Variants in ATP8A2 observed in about 807,000 individuals in gnomAD.
ATP8A2 encodes the protein ATPase phospholipid transporting 8A2, also known as phospholipid-transporting ATPase IB.
A neutral mutation model predicts 165.6 loss-of-function variants in ATP8A2; 100 were observed. The observed-to-expected ratio is 0.60, with a 90% confidence interval of 0.51 to 0.71. ATP8A2 has a LOEUF of 0.71. ATP8A2 is among the 30% of genes least tolerant of loss of function. The pLI is 0.00. For missense variants in ATP8A2, 1,227 were observed against 1,479.5 expected (o/e 0.83, Z 2.80); for synonymous variants, 543 against 548.8 (o/e 0.99, Z 0.15).
intron 33 of ATP8A2, among the ~76,000 whole-genome samples, chr13:25,917,267 T>C (rs1212275027): frequency 6.6e-6 from 1 of 152,204 alleles, no homozygotes; most frequent in African/African-American, 2.4e-5. Context: ...CATAATGAGA[T>C]TAGCCTGGTT....
chr13:25,783,081 T>C (rs1273098282), intron 27 of ATP8A2, among the ~76,000 whole-genome samples: 1 of 152,092 alleles, frequency 6.6e-6, no homozygotes, highest in East Asian at 1.9e-4. Flanking sequence ...TATTGATATT[T>C]TTACTGTTTT....
intron 15 of ATP8A2, among the ~76,000 whole-genome samples, chr13:25,562,024 A>G (rs886375515): frequency 6.6e-6 from 1 of 152,130 alleles, no homozygotes; most frequent in African/African-American, 2.4e-5. Context: ...CCATCTGTTC[A>G]TGGGCATTTG....
intron 25 of ATP8A2, among the ~76,000 whole-genome samples, chr13:25,742,540 T>C (rs973061125): frequency 6.6e-6 from 1 of 152,112 alleles, no homozygotes; most frequent in African/African-American, 2.4e-5. Context: ...ATTATTAAAG[T>C]GTCTCAGTTA....
At chr13:25,836,362 T>G (rs1951606733) in intron 28 of ATP8A2, among the ~76,000 whole-genome samples, 1 of 152,180 alleles carries the variant, frequency 6.6e-6, no homozygotes, top group Admixed American at 6.5e-5. Flanking sequence ...CAAACAGGCA[T>G]GCTGATGTCT....
intron 25 of ATP8A2, among the ~76,000 whole-genome samples, chr13:25,755,579 T>C (rs1226735924): frequency 6.6e-6 from 1 of 152,142 alleles, no homozygotes; most frequent in Non-Finnish European, 1.5e-5. Context: ...AATTTCAGTG[T>C]GAATATGTAA....
intron 1 of ATP8A2, among the ~76,000 whole-genome samples, chr13:25,438,321 T>C (rs2034836529): frequency 6.6e-6 from 1 of 152,188 alleles, no homozygotes; most frequent in South Asian, 2.1e-4. Flanking sequence ...TTTCTACAAA[T>C]GATCAAAGAC....
In ATP8A2 at chr13:25,407,317, A is replaced by T. The variant is rs540892414; in HGVS notation, c.76+35029A>T. Reference sequence around the variant, plus strand: ...GCCTGTACCCAGAATCTTGAGGAAGAAAAAGGCTAATTGAATTTTTGCTCC... The same window carrying T: ...GCCTGTACCCAGAATCTTGAGGAAGTAAAAGGCTAATTGAATTTTTGCTCC... On this transcript the variant is annotated intron_variant, in intron 1 of 36. Coordinates refer to ENST00000381655, the MANE Select transcript of ATP8A2 (RefSeq NM_016529.6). Among the ~76,000 whole-genome samples, 18 of 152,344 alleles carry T rather than the reference A, an allele frequency of 1.2e-4. No individual in the cohort carries two copies. In the East Asian group the frequency reaches 3.3e-3, roughly 28 times the overall value.
At chr13:25,376,114 G>GA (rs5802329) in intron 1 of ATP8A2, among the ~76,000 whole-genome samples, 140,487 of 151,646 alleles carry the variant, frequency 0.93, 65,372 homozygotes, top group Middle Eastern at 0.99. Context: ...CTTTACAAAT[G>GA]AAAAAAAAAT....
chr13:25,468,816 G>T (rs1346571996), intron 1 of ATP8A2, 161 bp from the exon 2 acceptor site: 2 of 983,672 alleles, frequency 2.0e-6, no homozygotes, highest in Non-Finnish European at 1.2e-6. Flanking sequence ...CGGCACAGGC[G>T]GCGGCGTCTC....
chr13:25,861,825 A>G (rs1171018487), intron 32 of ATP8A2, among the ~76,000 whole-genome samples: 3 of 152,242 alleles, frequency 2.0e-5, no homozygotes, highest in Non-Finnish European at 4.4e-5. Context: ...TTAAAGGGGC[A>G]TTGTTAAGAG....
chr13:25,692,018 G>T (rs2042735365), intron 24 of ATP8A2, among the ~76,000 whole-genome samples: 1 of 152,168 alleles, frequency 6.6e-6, no homozygotes, highest in African/African-American at 2.4e-5. Flanking sequence ...ATATGAAAGT[G>T]GCAGGGAAAT....
At chr13:25,851,350 G>A (rs1952002746) in intron 30 of ATP8A2, among the ~76,000 whole-genome samples, 2 of 152,208 alleles carry the variant, frequency 1.3e-5, no homozygotes, top group Admixed American at 1.3e-4. Context: ...GGGAGGCCAA[G>A]GCGGGCAGAT....
intron 27 of ATP8A2, among the ~76,000 whole-genome samples, chr13:25,788,095 G>T (rs2045077095): frequency 6.6e-6 from 1 of 152,142 alleles, no homozygotes; most frequent in African/African-American, 2.4e-5. Context: ...CCAGCTGTGG[G>T]ACCTAGTTTC....
Position 26,022,733 on chromosome 13 carries a change from C to G in ATP8A2, c.*2748C>G, listed in dbSNP as rs2139389667. 6.6e-6 allele frequency: 1 copy of G among 152,340 alleles called. No homozygotes were observed. Among genetic ancestry groups the G allele is most frequent in the South Asian group, 2.1e-4 (1 of 4,822 alleles). The allele number at this position is 152,340 out of a possible 1,614,324, so 9.4% of individuals were successfully genotyped here. A position where few individuals can be genotyped will look rare whatever the true frequency, so the allele number is the denominator to read the frequency against. On this transcript the variant is annotated 3_prime_UTR_variant, in exon 37 of 37. Transcript: ENST00000381655. The stretch of plus-strand genomic sequence containing the variant: ...CAGAGTGTCACACACAACCCCTCCC[C>G]TGGGGCAGGGTGGACTGGACTAGGT...
chr13:25,556,169 A>C (rs2138084435), intron 13 of ATP8A2, among the ~76,000 whole-genome samples: 1 of 152,354 alleles, frequency 6.6e-6, no homozygotes, highest in South Asian at 2.1e-4. Context: ...TTCTGTATTA[A>C]GTTCTTTGAG....
chr13:25,569,456 C>T (rs1442730754), intron 16 of ATP8A2, among the ~76,000 whole-genome samples: 3 of 152,152 alleles, frequency 2.0e-5, no homozygotes, highest in Non-Finnish European at 4.4e-5. Context: ...TAGCTGCTTC[C>T]TTCACATGAA....
intron 35 of ATP8A2, among the ~76,000 whole-genome samples, chr13:25,991,222 AAAGGGAATAG>A (rs1956386819): frequency 2.6e-5 from 4 of 152,324 alleles, no homozygotes; most frequent in Non-Finnish European, 4.4e-5. Flanking sequence ...ACATGAAATA[AAAGGGAATAG>A]AAGGGAAGAG....
intron 24 of ATP8A2, among the ~76,000 whole-genome samples, chr13:25,599,380 G>A (rs980432200): frequency 2.0e-5 from 3 of 152,144 alleles, no homozygotes; most frequent in Non-Finnish European, 4.4e-5. Flanking sequence ...AGCTGTCATC[G>A]GCTCACCTCA....
chr13:25,927,316 T>A, intron 33 of ATP8A2: 1 of 426,430 alleles, frequency 2.3e-6, no homozygotes, highest in Admixed American at 2.5e-5. Context: ...ATTTCAGGAG[T>A]GAGTTCAGTG....
Sources: gnomAD v4.1 joint callset for allele counts (sites outside exome capture counted in the v4.1 genomes callset) on GRCh38, gnomAD v4.1.1 for gene constraint, MANE v1.5 for transcripts, NCBI Gene and HGNC (gene_info 2026-07-23, HGNC 2026-07-21) for gene names.